Variants in UBR4 observed in about 807,000 individuals in gnomAD.
UBR4 encodes the protein E3 ubiquitin-protein ligase UBR4.
In UBR4, 124 loss-of-function variants were observed where a neutral mutation model predicts 575.6. The observed-to-expected ratio is 0.22, with a 90% CI of 0.19 to 0.25. The LOEUF is 0.25. Among genes scored for constraint, UBR4 ranks in the 10% least tolerant of loss-of-function variants. UBR4 has a pLI of 1.00. For missense variants in UBR4, 4,818 were observed against 6,478.8 expected (o/e 0.74, Z 8.80); for synonymous variants, 2,455 against 2,473.7 (o/e 0.99, Z 0.22).
intron 13 of UBR4, 48 bp from the exon 14 acceptor site, chr1:19,186,705 T>A (rs769774402): frequency 6.4e-7 from 1 of 1,564,732 alleles, no homozygotes. Flanking sequence ...TTTAATCTCA[T>A]GCATCGCATG....
At chr1:19,184,312 T>A in intron 15 of UBR4, 137 bp from the exon 16 acceptor site, 1 of 982,984 alleles carries the variant, frequency 1.0e-6, no homozygotes, top group Non-Finnish European at 1.5e-6. Context: ...AATCAGATTT[T>A]AAATCACTTA....
intron 64 of UBR4, among the ~76,000 whole-genome samples, chr1:19,125,433 G>C (rs2149560955): frequency 1.3e-5 from 2 of 152,350 alleles, no homozygotes; most frequent in Middle Eastern, 6.8e-3. Flanking sequence ...GCTCTCTTGA[G>C]CAGACTTGAT....
chr1:19,153,901 T>A lies in UBR4; in HGVS notation c.6497A>T (p.Gln2166Leu), dbSNP rs1207904105. The change falls in exon 45 of 106, where the codon CAG becomes CTG. Residue 2166 changes from glutamine (Q) to leucine (L), a missense_variant. By Grantham distance (113) the Gln-to-Leu change is moderately radical (BLOSUM62 -2). Around this residue, in one of 29 missense-constraint regions of UBR4, gnomAD observed 461 missense variants for 606.9 expected, o/e 0.76. Transcript: ENST00000375254. This position sits in a 1 kb window ranked among gnomAD's most constrained non-coding sequence, Gnocchi z 4.1. ...AGGGTGGTTCATCACCTCAGACCAC[T>A]GGCAAAGAGCAGGAGAAGTCTTACT... ...GGSKTSPALC[Q>L]WSEVMNHPGL... is the part of the protein sequence containing the mutation. The A allele has an allele frequency of 6.2e-7, 1 of 1,614,144 alleles. No individual in the cohort carries two copies.
At chr1:19,095,214 G>C (rs930984112) in intron 93 of UBR4, among the ~76,000 whole-genome samples, 189 bp from the exon 94 acceptor site, 5 of 152,200 alleles carry the variant, frequency 3.3e-5, no homozygotes, top group African/African-American at 1.2e-4. Context: ...TTGATGACAG[G>C]CAGCTTTGCT....
chr1:19,105,858 G>T lies in UBR4; in HGVS notation c.12394-16C>A. 1 of 1,560,532 alleles carries T rather than the reference G, an allele frequency of 6.4e-7. No individual in the cohort carries two copies. Among genetic ancestry groups the T allele is most frequent in the Non-Finnish European group, 8.6e-7 (1 of 1,157,966 alleles). On this transcript the variant is annotated splice_polypyrimidine_tract_variant and intron_variant, in intron 83 of 105. Coordinates refer to ENST00000375254, the MANE Select transcript of UBR4 (RefSeq NM_020765.3). ...TGAAAAGCACCTGCAGGACAGGGGA[G>T]AGAAGGGGTCGTAGACTCAGAGGAT...
At chr1:19,176,876 T>A in intron 19 of UBR4, 149 bp from the exon 20 acceptor site, 1 of 941,936 alleles carries the variant, frequency 1.1e-6, no homozygotes. Flanking sequence ...TGGGCACCAT[T>A]CAGCTTTTCA....
At chr1:19,135,277 T>C (rs1334244408) in intron 60 of UBR4, among the ~76,000 whole-genome samples, 1 of 152,228 alleles carries the variant, frequency 6.6e-6, no homozygotes, top group African/African-American at 2.4e-5. Context: ...TCTATTTGTC[T>C]ATCTTCATAC....
At position 19,088,489 on chromosome 1, in the gene UBR4, C is replaced by A. The variant is rs559096148; in HGVS notation, c.14430+270G>T. Among the ~76,000 whole-genome samples the A allele has an allele frequency of 6.6e-6, 1 of 152,320 alleles. No individual in the cohort carries two copies. Among genetic ancestry groups the A allele is most frequent in the Non-Finnish European group, 1.5e-5 (1 of 68,024 alleles). On this transcript the variant is annotated intron_variant, in intron 98 of 105. Transcript: ENST00000375254. The surrounding 1 kb of genome is among the most constrained non-coding windows in gnomAD (Gnocchi z 4.0). ...TAACAATATCAACCTCCTAGAACTA[C>A]TTGAGGGCTTAAATAAGTCCTCAAT...
chr1:19,085,435 T>C (rs2076921728), intron 101 of UBR4, among the ~76,000 whole-genome samples: 1 of 152,120 alleles, frequency 6.6e-6, no homozygotes, highest in African/African-American at 2.4e-5. Context: ...GGCGGGAGAA[T>C]CGCTTTAACC....
chr1:19,146,836 C>G lies in UBR4; in HGVS notation c.7794G>C (p.Gln2598His). Residue 2598 changes from glutamine to histidine, a missense_variant, in exon 52 of 106, where the codon CAG becomes CAC. This residue lies in a region of UBR4 where 340 missense variants were observed against 375.4 expected (regional missense o/e 0.91). Transcript: ENST00000375254. ...LVHFTESKLP[Q>H]METEGMDEGK... is the part of the protein sequence containing the mutation. ...AGAGGCCAAGTTCACCTGTTTCCAT[C>G]TGGGGCAGCTTTGACTCCGTAAAGT... The G allele has an allele frequency of 3.1e-6, 5 of 1,613,138 alleles. No homozygotes were observed. The highest frequency in any genetic ancestry group is 4.2e-6 in the Non-Finnish European group (5 of 1,179,412).
intron 49 of UBR4, among the ~76,000 whole-genome samples, chr1:19,150,035 C>T (rs1340981418): frequency 6.6e-6 from 1 of 152,148 alleles, no homozygotes; most frequent in Non-Finnish European, 1.5e-5. Flanking sequence ...TCTACCATGG[C>T]AAACCAGCAG....
rs1235859957 is a variant in UBR4, at chr1:19,120,220, C to T, written c.10270G>A (p.Val3424Met). ...CFLLESNSSS[V>M]RWQAHCLTLH... ...GTCAGACAGTGGGCCTGCCAGCGCA[C>T]CGAGGAAGAATTGGACTCTAACAGG... The change falls in exon 69 of 106, where the codon GTG (valine) becomes ATG (methionine). Residue 3424 changes from valine (V) to methionine (M), a missense_variant. By Grantham distance (21) the Val-to-Met change is conservative. Transcript: ENST00000375254. 4.3e-6 allele frequency: 7 copies of T among 1,614,166 alleles called. No individual in the cohort carries two copies. Among genetic ancestry groups the T allele is most frequent in the Non-Finnish European group, 4.2e-6 (5 of 1,180,022 alleles).
At chr1:19,182,169 T>C (rs939065103) in intron 17 of UBR4, among the ~76,000 whole-genome samples, 2 of 152,212 alleles carry the variant, frequency 1.3e-5, no homozygotes, top group Non-Finnish European at 2.9e-5. Flanking sequence ...ATTCATTGTA[T>C]GGCTGGATGT....
chr1:19,196,339 T>C (rs1461130244), intron 8 of UBR4, among the ~76,000 whole-genome samples: 1 of 152,222 alleles, frequency 6.6e-6, no homozygotes, highest in East Asian at 1.9e-4. Flanking sequence ...GTTCAGAGAA[T>C]GTAGGGAGAT....
At chr1:19,192,107 T>C in intron 11 of UBR4, 81 bp downstream of exon 11, 1 of 1,500,962 alleles carries the variant, frequency 6.7e-7, no homozygotes. Context: ...CCTATTGATA[T>C]GAAGTCATAC....
chr1:19,086,322 C>A, intron 100 of UBR4, 52 bp from the exon 101 acceptor site: 2 of 943,264 alleles, frequency 2.1e-6, no homozygotes, highest in Non-Finnish European at 2.8e-6. Flanking sequence ...AACGTGGCAA[C>A]CAGGCACCTG....
Position 19,113,804 on chromosome 1 carries a change from GC to G in UBR4, c.11351del (p.Gly3784AlafsTer9). 1 of 1,614,188 alleles carries G rather than the reference GC, an allele frequency of 6.2e-7. No homozygotes were observed. Among genetic ancestry groups the G allele is most frequent in the Non-Finnish European group, 8.5e-7 (1 of 1,180,026 alleles). On this transcript the variant is annotated frameshift_variant, in exon 77 of 106. Coordinates refer to ENST00000375254, the MANE Select transcript of UBR4 (RefSeq NM_020765.3). LOFTEE classifies it high-confidence loss of function. The part of the protein sequence containing the change: ...KPQDDSGTAG[G>X]ISSTSASVNR... ...TCACACTGGCAGAAGTGGAGCTGATGCCCCCTGCTGTTCCTGAGTCATCCTG... is the reference window on the plus strand; with the variant it reads ...TCACACTGGCAGAAGTGGAGCTGATGCCCCTGCTGTTCCTGAGTCATCCTG...
At chr1:19,198,982 G>A in intron 3 of UBR4, 54 bp from the exon 4 acceptor site, 1 of 1,581,774 alleles carries the variant, frequency 6.3e-7, no homozygotes, top group Non-Finnish European at 8.6e-7. Context: ...AGATCTTTCA[G>A]AAAATTCTAC....
chr1:19,141,583 T>C (rs775972361), intron 56 of UBR4, 59 bp from the exon 57 acceptor site: 28 of 1,600,950 alleles, frequency 1.7e-5, no homozygotes, highest in Non-Finnish European at 2.4e-5. Flanking sequence ...GGAAGTCCAC[T>C]GAATAAGAGC....
Sources: gnomAD v4.1 joint callset for allele counts (sites outside exome capture counted in the v4.1 genomes callset) on GRCh38, gnomAD v4.1.1 for gene constraint, gnomAD v4.1.1 regional missense constraint, Gnocchi (gnomAD v3.1) non-coding constraint, MANE v1.5 for transcripts, NCBI Gene and HGNC (gene_info 2026-07-23, HGNC 2026-07-21) for gene names.